Variants in SAPCD1 observed in about 807,000 individuals in gnomAD.
The protein encoded by SAPCD1 is suppressor APC domain-containing protein 1.
SAPCD1 carries 16 observed loss-of-function variants against 20.7 expected under a neutral mutation model. The ratio of observed to expected loss-of-function variants is 0.77; its 90% CI spans 0.52 to 1.17. The LOEUF (loss-of-function observed/expected upper bound fraction) is 1.17. Ranked by LOEUF, SAPCD1 falls within the 50% of genes most tolerant of loss-of-function variation. The probability of loss-of-function intolerance (pLI) is 0.00; values close to 1 mark genes in which losing one functional copy is unlikely to be tolerated. For synonymous variants in SAPCD1, 77 were observed against 84.8 expected, an observed-to-expected ratio of 0.91 and a Z score of 0.50; for missense variants, 173 against 209.9, an observed-to-expected ratio of 0.82 and a Z score of 1.09.
chr6:31,764,036 TGTTG>T lies in SAPCD1; in HGVS notation c.256-27_256-24del. On this transcript the variant is annotated intron_variant, in intron 2 of 4. Transcript: ENST00000415669. The surrounding 1 kb of genome is among the most constrained non-coding windows in gnomAD (Gnocchi z 4.7). ...GGCAGACGACCTCAGGTTTTCACCA[TGTTG>T]TCAGCCTCCAACTCCTCCTCTAGAA... 6.7e-7 allele frequency: 1 copy of T among 1,491,030 alleles called. No homozygotes were observed. The highest frequency in any genetic ancestry group is 9.4e-7 in the Non-Finnish European group (1 of 1,067,960). 92.4% of individuals were successfully genotyped at this position (1,491,030 alleles called of 1,614,324 possible). A position where few individuals can be genotyped will look rare whatever the true frequency, so the allele number is the denominator to read the frequency against.
Position 31,763,302 on chromosome 6 carries a change from T to G in SAPCD1, c.115-113T>G. ...CCCTCCAGGTCCTCAGTGGCCAGTC[T>G]GGGTTCACACTCAGTGACCACACAG... On this transcript the variant is annotated intron_variant, in intron 1 of 4. Transcript: ENST00000415669. This position sits in a 1 kb window ranked among gnomAD's most constrained non-coding sequence, Gnocchi z 4.9. 6.9e-7 allele frequency: 1 copy of G among 1,442,904 alleles called. No homozygotes were observed. Among genetic ancestry groups the G allele is most frequent in the African/African-American group, 1.4e-5 (1 of 71,390 alleles). 89.4% of individuals were successfully genotyped at this position (1,442,904 alleles called of 1,614,324 possible). A position where few individuals can be genotyped will look rare whatever the true frequency, so the allele number is the denominator to read the frequency against.
chr6:31,764,118 C>G lies in SAPCD1; in HGVS notation c.310C>G (p.Gln104Glu). 6.2e-7 allele frequency: 1 copy of G among 1,613,952 alleles called. No homozygotes were observed. Among genetic ancestry groups the G allele is most frequent in the Non-Finnish European group, 8.5e-7 (1 of 1,179,852 alleles). The change falls in exon 3 of 5, where the codon CAA (glutamine) becomes GAA (glutamate). Residue 104 changes from glutamine (Q) to glutamate (E), a missense_variant. Coordinates refer to ENST00000415669, the Ensembl canonical transcript of SAPCD1. This position sits in a 1 kb window ranked among gnomAD's most constrained non-coding sequence, Gnocchi z 4.7. ...TGGTCGCCCCCCGTTAGCCCAGATT[C>G]AAAAGGTGAACATCTGTTTGCAGAA...
chr6:31,763,196 A>G lies in SAPCD1; in HGVS notation c.114+28A>G. 1 of 1,344,668 alleles carries G rather than the reference A, an allele frequency of 7.4e-7. No individual in the cohort carries two copies. The highest frequency in any genetic ancestry group is 1.0e-6 in the Non-Finnish European group (1 of 966,330). The allele number at this position is 1,344,668 out of a possible 1,614,324, so 83.3% of individuals were successfully genotyped here. A position where few individuals can be genotyped will look rare whatever the true frequency, so the allele number is the denominator to read the frequency against. ...GAGTATCAGCCCAACAAGAGGTCCC[A>G]GGGGAACTCTCTCAATAGATCTGCC... On this transcript the variant is annotated intron_variant, in intron 1 of 4. Coordinates refer to ENST00000415669, the Ensembl canonical transcript of SAPCD1. The surrounding 1 kb of genome is among the most constrained non-coding windows in gnomAD (Gnocchi z 4.9).
chr6:31,763,424 A>T lies in SAPCD1; in HGVS notation c.124A>T (p.Met42Leu), dbSNP rs532588200. The stretch of plus-strand genomic sequence containing the variant: ...TGATTGCCTTTCCCAGCTACGCAGG[A>T]TGCAGGCTCTGGAGAGAGAACAGGA... The change falls in exon 2 of 5, where the codon ATG becomes TTG. Residue 42 changes from methionine (M) to leucine (L), a missense_variant. Physicochemically the swap from Met to Leu is conservative, Grantham distance 15. Coordinates refer to ENST00000415669, the Ensembl canonical transcript of SAPCD1. This position sits in a 1 kb window ranked among gnomAD's most constrained non-coding sequence, Gnocchi z 4.9. 2 of 1,613,062 alleles carry T rather than the reference A, an allele frequency of 1.2e-6. No homozygotes were observed. Among genetic ancestry groups the T allele is most frequent in the Non-Finnish European group, 1.7e-6 (2 of 1,180,026 alleles).
Position 31,763,620 on chromosome 6 carries a change from A to G in SAPCD1, c.255+65A>G. ...AGGGAGGGAGGAACAGGGAATGTGT[A>G]GACACAGCCTGAGACCACTCTGGAG... On this transcript the variant is annotated intron_variant, in intron 2 of 4. Coordinates refer to ENST00000415669, the Ensembl canonical transcript of SAPCD1. The surrounding 1 kb of genome is among the most constrained non-coding windows in gnomAD (Gnocchi z 4.9). 2 of 1,489,374 alleles carry G rather than the reference A, an allele frequency of 1.3e-6. No individual in the cohort carries two copies. The highest frequency in any genetic ancestry group is 2.5e-5 in the South Asian group (2 of 79,894). The allele number at this position is 1,489,374 out of a possible 1,614,324, so 92.3% of individuals were successfully genotyped here.
Position 31,763,252 on chromosome 6 carries a change from C to T in SAPCD1, c.114+84C>T. On this transcript the variant is annotated intron_variant, in intron 1 of 4. Transcript: ENST00000415669. The surrounding 1 kb of genome is among the most constrained non-coding windows in gnomAD (Gnocchi z 4.9). ...TATTTCCATTCAACTTGAGGGCCCA[C>T]AGTGTTCCCGCCTGCCTCCCCTTGC... The T allele has an allele frequency of 8.3e-7, 1 of 1,198,280 alleles. No homozygotes were observed. The highest frequency in any genetic ancestry group is 1.2e-6 in the Non-Finnish European group (1 of 834,802). 74.2% of individuals were successfully genotyped at this position (1,198,280 alleles called of 1,614,324 possible). A position where few individuals can be genotyped will look rare whatever the true frequency, so the allele number is the denominator to read the frequency against.
In SAPCD1 at chr6:31,763,406, C is replaced by T. The variant is rs544637432; in HGVS notation, c.115-9C>T. 3 of 1,613,042 alleles carry T rather than the reference C, an allele frequency of 1.9e-6. No homozygotes were observed. The highest frequency in any genetic ancestry group is 2.5e-6 in the Non-Finnish European group (3 of 1,180,016). ...CGTGAGAGTCAGCCTCTGTGATTGC[C>T]TTTCCCAGCTACGCAGGATGCAGGC... On this transcript the variant is annotated splice_polypyrimidine_tract_variant and intron_variant, in intron 1 of 4. Transcript: ENST00000415669. This position sits in a 1 kb window ranked among gnomAD's most constrained non-coding sequence, Gnocchi z 4.9.
chr6:31,762,947 G>C, upstream of SAPCD1: 1 of 619,594 alleles, frequency 1.6e-6, no homozygotes, highest in Non-Finnish European at 2.9e-6. Flanking sequence ...AGCAGGAAGG[G>C]GCCTGAGAGG....
chr6:31,763,494 G>T lies in SAPCD1; in HGVS notation c.194G>T (p.Trp65Leu). Residue 65 changes from tryptophan (W) to leucine (L), a missense_variant, in exon 2 of 5, where the codon TGG (tryptophan) becomes TTG (leucine). Physicochemically the swap from Trp to Leu is moderately conservative, Grantham distance 61. Coordinates refer to ENST00000415669, the Ensembl canonical transcript of SAPCD1. This position sits in a 1 kb window ranked among gnomAD's most constrained non-coding sequence, Gnocchi z 4.9. ...GAGCTGCTACAGCATGGCCAGGCCT[G>T]GTTTGAAGACCATCTGAGGGAGGCA... The T allele has an allele frequency of 1.2e-6, 2 of 1,612,988 alleles. No individual in the cohort carries two copies. Among genetic ancestry groups the T allele is most frequent in the Non-Finnish European group, 1.7e-6 (2 of 1,179,996 alleles).
rs763158578 is a variant in SAPCD1, at chr6:31,763,185, C to T, written c.114+17C>T. 1 of 1,426,268 alleles carries T rather than the reference C, an allele frequency of 7.0e-7. No individual in the cohort carries two copies. The allele number at this position is 1,426,268 out of a possible 1,614,324, so 88.4% of individuals were successfully genotyped here. On this transcript the variant is annotated intron_variant, in intron 1 of 4. Transcript: ENST00000415669. This position sits in a 1 kb window ranked among gnomAD's most constrained non-coding sequence, Gnocchi z 4.9. ...TTCCTTTGGGTGAGTATCAGCCCAACAAGAGGTCCCAGGGGAACTCTCTCA... is the reference window on the plus strand; with the variant it reads ...TTCCTTTGGGTGAGTATCAGCCCAATAAGAGGTCCCAGGGGAACTCTCTCA...
In SAPCD1 at chr6:31,763,314, C is replaced by G; in HGVS notation, c.115-101C>G. On this transcript the variant is annotated intron_variant, in intron 1 of 4. Transcript: ENST00000415669. The surrounding 1 kb of genome is among the most constrained non-coding windows in gnomAD (Gnocchi z 4.9). ...TCAGTGGCCAGTCTGGGTTCACACT[C>G]AGTGACCACACAGTGAACCCAACTA... The G allele has an allele frequency of 6.7e-7, 1 of 1,491,268 alleles. No homozygotes were observed. The highest frequency in any genetic ancestry group is 1.8e-5 in the Admixed American group (1 of 55,864). 92.4% of individuals were successfully genotyped at this position (1,491,268 alleles called of 1,614,324 possible).
At chr6:31,762,921 A>G (rs1811153844), upstream of SAPCD1, 1 of 587,032 alleles carries the variant, frequency 1.7e-6, no homozygotes, top group Non-Finnish European at 3.0e-6. Flanking sequence ...GGAACACCCC[A>G]GCCTCAGACA....
chr6:31,763,583 G>C lies in SAPCD1; in HGVS notation c.255+28G>C, dbSNP rs553847764. On this transcript the variant is annotated intron_variant, in intron 2 of 4. Coordinates refer to ENST00000415669, the Ensembl canonical transcript of SAPCD1. This position sits in a 1 kb window ranked among gnomAD's most constrained non-coding sequence, Gnocchi z 4.9. ...ATGGGGGCTGCCCCTCTGTGTGAAT[G>C]GGGGGAGGACCAGGGAGGGAGGAAC... The C allele has an allele frequency of 2.1e-5, 34 of 1,586,196 alleles. No homozygotes were observed. The highest frequency in any genetic ancestry group is 1.7e-4 in the Middle Eastern group (1 of 5,834).
upstream of SAPCD1, chr6:31,762,931 A>G (rs1811155200): frequency 5.0e-6 from 3 of 597,656 alleles, no homozygotes; most frequent in Non-Finnish European, 8.9e-6. Flanking sequence ...AGCCTCAGAC[A>G]GACACAGCAG....
In SAPCD1 at chr6:31,764,228, G is replaced by A. The variant is rs1163819386; in HGVS notation, c.352-38G>A. On this transcript the variant is annotated intron_variant, in intron 3 of 4. Coordinates refer to ENST00000415669, the Ensembl canonical transcript of SAPCD1. The surrounding 1 kb of genome is among the most constrained non-coding windows in gnomAD (Gnocchi z 4.7). ...AGAGAGGGGAGTTGTTGGGGTCAGT[G>A]CTGGCTTAACAGAAAACACAGCGAA... 6.2e-7 allele frequency: 1 copy of A among 1,607,474 alleles called. No homozygotes were observed. Among genetic ancestry groups the A allele is most frequent in the African/African-American group, 1.3e-5 (1 of 74,924 alleles).
rs1247217404 is a variant in SAPCD1, at chr6:31,764,472, AAGG to A, written c.484_486del (p.Glu162del). Reference sequence around the variant, plus strand: ...GCAGCAGAAAGGAGTCACCCAGCCAAAGGAGGAGATGGCTCAGCGGGGCTGCAC... The same window carrying A: ...GCAGCAGAAAGGAGTCACCCAGCCAAAGGAGATGGCTCAGCGGGGCTGCAC... On this transcript the variant is annotated inframe_deletion, in exon 5 of 5. Transcript: ENST00000415669. This position sits in a 1 kb window ranked among gnomAD's most constrained non-coding sequence, Gnocchi z 4.7. The A allele has an allele frequency of 1.9e-6, 3 of 1,614,142 alleles. No individual in the cohort carries two copies. The highest frequency in any genetic ancestry group is 2.2e-5 in the East Asian group (1 of 44,884).
rs1182240321 is a variant in SAPCD1, at chr6:31,764,384, C to G, written c.441+29C>G. The G allele has an allele frequency of 1.2e-6, 2 of 1,611,760 alleles. No individual in the cohort carries two copies. Among genetic ancestry groups the G allele is most frequent in the East Asian group, 2.2e-5 (1 of 44,882 alleles). On this transcript the variant is annotated intron_variant, in intron 4 of 4. Transcript: ENST00000415669. The surrounding 1 kb of genome is among the most constrained non-coding windows in gnomAD (Gnocchi z 4.7). ...AACTTCAAGAAGGAGGGCAGGAGCC[C>G]CACCCTACAGGGCTGGGAGGAGCCC...
rs1811353374 is a variant in SAPCD1 at position 31,764,695 on chromosome 6, T to C, written c.*164T>C. 6.6e-6 allele frequency: 4 copies of C among 603,060 alleles called. No individual in the cohort carries two copies. The highest frequency in any genetic ancestry group is 5.6e-5 in the African/African-American group (3 of 53,814). The allele number at this position is 603,060 out of a possible 1,614,324, so 37.4% of individuals were successfully genotyped here. A position where few individuals can be genotyped will look rare whatever the true frequency, so the allele number is the denominator to read the frequency against. ...CTCTGCTCCTGAAAACTTCATCTTC[T>C]TGGTGTCTCATGTCCTCATTCTCCC... On this transcript the variant is annotated 3_prime_UTR_variant, in exon 5 of 5. Transcript: ENST00000415669. The surrounding 1 kb of genome is among the most constrained non-coding windows in gnomAD (Gnocchi z 4.7).
chr6:31,762,925 TCAGA>T (rs1811154675), upstream of SAPCD1: 16 of 592,260 alleles, frequency 2.7e-5, no homozygotes, highest in South Asian at 3.4e-4. Context: ...CACCCCAGCC[TCAGA>T]CAGACACAGC....
Sources: gnomAD v4.1 joint callset for allele counts on GRCh38, gnomAD v4.1.1 for gene constraint, Gnocchi (gnomAD v3.1) non-coding constraint, MANE v1.5 for transcripts, NCBI Gene and HGNC (gene_info 2026-07-23, HGNC 2026-07-21) for gene names.